RAPGEF6: variants seen among roughly 807,000 people sequenced by gnomAD.
RAPGEF6 encodes the protein PDZ domain containing guanine nucleotide exchange factor (GEF) 2.
In RAPGEF6, 56 loss-of-function variants were observed where a neutral mutation model predicts 171.4. The observed-to-expected ratio is 0.33, with a 90% CI of 0.26 to 0.41. RAPGEF6 has a LOEUF of 0.41. RAPGEF6 is among the 10% of genes least tolerant of loss of function. The pLI, the probability that RAPGEF6 is intolerant of heterozygous loss-of-function variation, is 1.00. For missense variants in RAPGEF6, 1,674 were observed against 1,921.4 expected (o/e 0.87, Z 2.41); for synonymous variants, 692 against 650.1 (o/e 1.06, Z -0.98).
chr5:131,632,746 G>A (rs767530392), intron 1 of RAPGEF6, among the ~76,000 whole-genome samples: 25 of 152,118 alleles, frequency 1.6e-4, no homozygotes, highest in Admixed American at 1.4e-3. Context: ...AATGAACTTG[G>A]GAGAATTTTG....
At chr5:131,508,483 G>C (rs915553922) in intron 8 of RAPGEF6, among the ~76,000 whole-genome samples, 1 of 152,138 alleles carries the variant, frequency 6.6e-6, no homozygotes, top group Non-Finnish European at 1.5e-5. Context: ...AGATGAAAGC[G>C]GAGCGTTTAT....
intron 15 of RAPGEF6, 114 bp from the exon 16 acceptor site, chr5:131,479,867 T>A: frequency 8.8e-7 from 1 of 1,131,548 alleles, no homozygotes; most frequent in Non-Finnish European, 1.2e-6. Flanking sequence ...ACTTTCTCAG[T>A]CTCATTCAAC....
intron 4 of RAPGEF6, among the ~76,000 whole-genome samples, chr5:131,574,656 C>A (rs1762501381): frequency 6.6e-6 from 1 of 152,064 alleles, no homozygotes; most frequent in African/African-American, 2.4e-5. Flanking sequence ...TTATCTGTTT[C>A]CCTGACTATT....
At chr5:131,497,645 A>G (rs996460894) in intron 12 of RAPGEF6, among the ~76,000 whole-genome samples, 2 of 152,236 alleles carry the variant, frequency 1.3e-5, no homozygotes, top group African/African-American at 4.8e-5. Context: ...CAAGGTAAAT[A>G]TATTTAATTC....
At chr5:131,599,503 T>C (rs542471857) in intron 3 of RAPGEF6, among the ~76,000 whole-genome samples, 2 of 151,612 alleles carry the variant, frequency 1.3e-5, no homozygotes, top group East Asian at 1.9e-4. Context: ...CACACAGAGA[T>C]ACACACACAC....
At chr5:131,612,557 C>A (rs986457528) in intron 1 of RAPGEF6, among the ~76,000 whole-genome samples, 8 of 152,202 alleles carry the variant, frequency 5.3e-5, no homozygotes, top group Non-Finnish European at 1.2e-4. Context: ...TGGGCCCCAA[C>A]CACTGAGTTA....
At chr5:131,627,346 T>C (rs1471632075) in intron 1 of RAPGEF6, among the ~76,000 whole-genome samples, 1 of 152,204 alleles carries the variant, frequency 6.6e-6, no homozygotes, top group East Asian at 1.9e-4. Context: ...ACCAAGCTGC[T>C]GAGTAAGACT....
At position 131,479,712 on chromosome 5, in the gene RAPGEF6, C is replaced by T; in HGVS notation, c.1882G>A (p.Gly628Ser). 1 of 1,613,746 alleles carries T rather than the reference C, an allele frequency of 6.2e-7. No homozygotes were observed. The highest frequency in any genetic ancestry group is 8.5e-7 in the Non-Finnish European group (1 of 1,179,848). The change falls in exon 16 of 28, where the codon GGT becomes AGT. Residue 628 changes from glycine to serine, a missense_variant. This residue lies in a region of RAPGEF6 where 1,116 missense variants were observed against 1,321.5 expected (regional missense o/e 0.84). Transcript: ENST00000509018. ...LLFRTEQEKS[G>S]VPHIPKIAEK... ...GCAATTTTGGGAATATGAGGAACACCAGATTTCTCTTGTTCAGTCCTAAAA... is the reference window on the plus strand; with the variant it reads ...GCAATTTTGGGAATATGAGGAACACTAGATTTCTCTTGTTCAGTCCTAAAA...
rs144023710 is a variant in RAPGEF6, at chr5:131,429,188, G to A, written c.4494C>T (p.Asp1498=). ...TGGGAGGTGGCTCCCTATACCTATCGTCCTTCTTGGGTGAGGTGACACAGT... is the reference window on the plus strand; with the variant it reads ...TGGGAGGTGGCTCCCTATACCTATCATCCTTCTTGGGTGAGGTGACACAGT... The part of the protein sequence containing the change: ...IVYCVTSPKK[D]DRYREPPPTP... Residue 1498 remains aspartate, a synonymous_variant, in exon 27 of 28, where the codon GAC becomes GAT. Transcript: ENST00000509018. 3.7e-5 allele frequency: 59 copies of A among 1,611,784 alleles called. No homozygotes were observed. Among genetic ancestry groups the A allele is most frequent in the Non-Finnish European group, 4.5e-5 (53 of 1,178,360 alleles).
At chr5:131,516,152 G>A (rs1346335673) in intron 7 of RAPGEF6, among the ~76,000 whole-genome samples, 1 of 139,206 alleles carries the variant, frequency 7.2e-6, no homozygotes, top group East Asian at 2.2e-4. Context: ...GCAGTGGTGC[G>A]ATCTTGGCTC....
At chr5:131,531,054 T>A (rs953513633) in intron 6 of RAPGEF6, among the ~76,000 whole-genome samples, 1 of 152,180 alleles carries the variant, frequency 6.6e-6, no homozygotes, top group African/African-American at 2.4e-5. Flanking sequence ...AATCAGCTGT[T>A]TGCCAAATGG....
rs76833168 is a variant in RAPGEF6 at position 131,570,638 on chromosome 5, A to C, written c.282-8591T>G. On this transcript the variant is annotated intron_variant, in intron 4 of 27. Coordinates refer to ENST00000509018, the MANE Select transcript of RAPGEF6 (RefSeq NM_016340.6). ...GACATGCTAGAATTGATATGTGCTAAAACATGGGTGAGCTATAAAAACATT... is the reference window on the plus strand; with the variant it reads ...GACATGCTAGAATTGATATGTGCTACAACATGGGTGAGCTATAAAAACATT... Among the ~76,000 whole-genome samples, 103 of 152,360 alleles carry C rather than the reference A, an allele frequency of 6.8e-4. 1 individual carries two copies. In the East Asian group the frequency reaches 0.02, roughly 29 times the overall value.
chr5:131,538,100 A>G (rs937208039), intron 6 of RAPGEF6, among the ~76,000 whole-genome samples: 1 of 152,166 alleles, frequency 6.6e-6, no homozygotes, highest in African/African-American at 2.4e-5. Flanking sequence ...ATAAAACCTA[A>G]AAAACCAAAA....
At chr5:131,462,876 C>CT (rs1754036053) in intron 18 of RAPGEF6, among the ~76,000 whole-genome samples, 1 of 93,332 alleles carries the variant, frequency 1.1e-5, no homozygotes, top group Non-Finnish European at 2.3e-5. Flanking sequence ...TCAAGAAACT[C>CT]TTTTTTCTGC....
intron 17 of RAPGEF6, chr5:131,472,318 G>A (rs929855922): frequency 1.4e-4 from 58 of 417,150 alleles, no homozygotes; most frequent in Middle Eastern, 1.5e-3. Context: ...TGATCCGCCC[G>A]CCTCGGCCTC....
chr5:131,529,219 T>C lies in RAPGEF6; in HGVS notation c.496-7698A>G, dbSNP rs150038040. Among the ~76,000 whole-genome samples the C allele has an allele frequency of 3.2e-3, 485 of 151,534 alleles. 3 individuals carry two copies. The highest frequency in any genetic ancestry group is 0.011 in the African/African-American group (461 of 41,222). On this transcript the variant is annotated intron_variant, in intron 6 of 27. Coordinates refer to ENST00000509018, the MANE Select transcript of RAPGEF6 (RefSeq NM_016340.6). ...GGCAGGGCACTGTGGCTCATGCCTG[T>C]AATCCCAGCACTTTGGGAGGCTGAG...
At chr5:131,583,206 C>A (rs1461265419) in intron 4 of RAPGEF6, among the ~76,000 whole-genome samples, 1 of 152,288 alleles carries the variant, frequency 6.6e-6, no homozygotes, top group East Asian at 1.9e-4. Context: ...AGGGGCACCC[C>A]AGAGAAACCT....
At chr5:131,608,762 A>AG (rs1764760377) in intron 1 of RAPGEF6, among the ~76,000 whole-genome samples, 1 of 151,812 alleles carries the variant, frequency 6.6e-6, no homozygotes, top group African/African-American at 2.4e-5. Flanking sequence ...TTGTTAAAAA[A>AG]AGTCTGGCTT....
At chr5:131,605,107 A>G (rs1764476761) in intron 1 of RAPGEF6, among the ~76,000 whole-genome samples, 1 of 152,220 alleles carries the variant, frequency 6.6e-6, no homozygotes, top group Non-Finnish European at 1.5e-5. Flanking sequence ...TTTCTAAAGA[A>G]TTTCTTTCTA....
Sources: allele counts gnomAD v4.1 joint callset (sites outside exome capture counted in the v4.1 genomes callset), GRCh38; gene constraint gnomAD v4.1.1; regional missense constraint gnomAD v4.1.1; transcripts MANE v1.5; gene names NCBI Gene and HGNC (gene_info 2026-07-23, HGNC 2026-07-21).